The following GRM8 variants were observed in gnomAD, a reference collection of about 807,000 sequenced individuals.
GRM8 encodes metabotropic glutamate receptor 8.
In GRM8, 47 loss-of-function variants were observed where a neutral mutation model predicts 87.2. The ratio of observed to expected loss-of-function variants is 0.54; its 90% CI spans 0.43 to 0.69. The LOEUF (loss-of-function observed/expected upper bound fraction) is 0.69. Ranked by LOEUF, GRM8 falls within the 30% of genes least tolerant of loss-of-function variation. The probability of loss-of-function intolerance (pLI) is 0.00; values close to 1 mark genes in which losing one functional copy is unlikely to be tolerated. For synonymous variants in GRM8, 396 were observed against 404.5 expected, an observed-to-expected ratio of 0.98 and a Z score of 0.25; for missense variants, 1,019 against 1,139.2, an observed-to-expected ratio of 0.89 and a Z score of 1.52.
At chr7:126,969,501 T>A (rs1449719685) in intron 3 of GRM8, among the ~76,000 whole-genome samples, 1 of 152,196 alleles carries the variant, frequency 6.6e-6, no homozygotes, top group African/African-American at 2.4e-5. Context: ...CCATAAGAAA[T>A]AACTCTTCAT....
chr7:127,118,351 T>C (rs898495595), intron 2 of GRM8: 1 of 152,168 alleles, frequency 6.6e-6, no homozygotes, highest in African/African-American at 2.4e-5. Context: ...TACTACAGAA[T>C]GCAAGGATAT....
chr7:126,827,548 T>A (rs567498215), intron 6 of GRM8, among the ~76,000 whole-genome samples: 1 of 152,314 alleles, frequency 6.6e-6, no homozygotes, highest in Admixed American at 6.5e-5. Context: ...TGCTTGTGAT[T>A]TTTGTACTTT....
At chr7:126,797,086 T>G (rs1444986336) in intron 6 of GRM8, among the ~76,000 whole-genome samples, 1 of 152,130 alleles carries the variant, frequency 6.6e-6, no homozygotes, top group Non-Finnish European at 1.5e-5. Context: ...AAGTTCAAAC[T>G]GAACTCTAGA....
intron 6 of GRM8, among the ~76,000 whole-genome samples, chr7:126,775,450 A>AGAGTGAGC (rs1316037021): frequency 3.4e-5 from 5 of 148,842 alleles, no homozygotes; most frequent in African/African-American, 1.3e-4. Context: ...CACACACTAA[A>AGAGTGAGC]GAGTGAGCGC....
chr7:126,832,457 A>G (rs1161295683), intron 6 of GRM8, among the ~76,000 whole-genome samples: 1 of 152,226 alleles, frequency 6.6e-6, no homozygotes, highest in Non-Finnish European at 1.5e-5. Context: ...ATTCAGATGA[A>G]GCCAACAAAA....
At chr7:126,656,728 G>T (rs1276425282) in intron 7 of GRM8, among the ~76,000 whole-genome samples, 1 of 114,886 alleles carries the variant, frequency 8.7e-6, no homozygotes, top group Non-Finnish European at 1.7e-5. Context: ...ACTAAAAGAA[G>T]ATCAGAGTTA....
chr7:126,748,909 T>C (rs1271228969), intron 7 of GRM8, among the ~76,000 whole-genome samples: 1 of 152,136 alleles, frequency 6.6e-6, no homozygotes, highest in African/African-American at 2.4e-5. Flanking sequence ...CAAATACTGG[T>C]AGTAGAACAA....
intron 3 of GRM8, among the ~76,000 whole-genome samples, chr7:126,965,482 A>C (rs1809756538): frequency 6.6e-6 from 1 of 152,144 alleles, no homozygotes; most frequent in Admixed American, 6.5e-5. Context: ...CATGTATGTA[A>C]CTTTATATTT....
intron 9 of GRM8, among the ~76,000 whole-genome samples, chr7:126,529,193 A>C (rs1277641873): frequency 6.6e-6 from 1 of 152,224 alleles, no homozygotes; most frequent in Non-Finnish European, 1.5e-5. Context: ...TCAGAAAAAA[A>C]AAATTGTTAT....
At chr7:127,078,273 T>A (rs1822492764) in intron 3 of GRM8, among the ~76,000 whole-genome samples, 1 of 152,242 alleles carries the variant, frequency 6.6e-6, no homozygotes, top group African/African-American at 2.4e-5. Context: ...CCATCTGTGC[T>A]TTCATGACAC....
intron 6 of GRM8, among the ~76,000 whole-genome samples, chr7:126,776,327 A>T (rs982054648): frequency 5.9e-5 from 9 of 152,114 alleles, no homozygotes; most frequent in Non-Finnish European, 8.8e-5. Context: ...TAACTATCTG[A>T]TTAAATATGG....
intron 2 of GRM8, among the ~76,000 whole-genome samples, chr7:127,197,053 G>T (rs981430062): frequency 4.6e-5 from 7 of 152,094 alleles, no homozygotes; most frequent in African/African-American, 1.2e-4. Flanking sequence ...TGGTACAAAC[G>T]CTCTAACTAT....
intron 3 of GRM8, among the ~76,000 whole-genome samples, chr7:126,976,830 C>G (rs1811036258): frequency 6.6e-6 from 1 of 151,890 alleles, no homozygotes; most frequent in Non-Finnish European, 1.5e-5. Context: ...AAGGAAGCAG[C>G]CATGTCTTTA....
At chr7:127,132,197 G>A (rs1339292064) in intron 2 of GRM8, among the ~76,000 whole-genome samples, 2 of 152,156 alleles carry the variant, frequency 1.3e-5, no homozygotes, top group African/African-American at 4.8e-5. Flanking sequence ...GGACACAGCT[G>A]TTTCTCAGAA....
At chr7:126,472,028 C>A (rs1193854103) in intron 9 of GRM8, among the ~76,000 whole-genome samples, 1 of 152,016 alleles carries the variant, frequency 6.6e-6, no homozygotes, top group Non-Finnish European at 1.5e-5. Context: ...GATTTTTGCA[C>A]ATTGATTTTG....
At chr7:126,892,226 C>A (rs1277122118) in intron 6 of GRM8, among the ~76,000 whole-genome samples, 1 of 151,726 alleles carries the variant, frequency 6.6e-6, no homozygotes, top group Non-Finnish European at 1.5e-5. Context: ...ATGTGCCATG[C>A]TGGTGTGCTG....
At chr7:126,766,265 C>T (rs1166647630) in intron 7 of GRM8, among the ~76,000 whole-genome samples, 2 of 152,036 alleles carry the variant, frequency 1.3e-5, no homozygotes, top group African/African-American at 4.8e-5. Flanking sequence ...GATGAGCTTC[C>T]AGTGCTCTGG....
At chr7:126,882,274 G>A (rs1420080881) in intron 6 of GRM8, among the ~76,000 whole-genome samples, 13 of 151,632 alleles carry the variant, frequency 8.6e-5, no homozygotes, top group Admixed American at 8.6e-4. Context: ...TTATGTATTT[G>A]GATTGACCTA....
At chr7:126,933,863 C>T (rs1420260002) in intron 3 of GRM8, among the ~76,000 whole-genome samples, 1 of 152,142 alleles carries the variant, frequency 6.6e-6, no homozygotes, top group Non-Finnish European at 1.5e-5. Context: ...CTGGGACTAG[C>T]ACAATGTTTG....
Sources: gnomAD v4.1 joint callset for allele counts (sites outside exome capture counted in the v4.1 genomes callset) on GRCh38, gnomAD v4.1.1 for gene constraint, MANE v1.5 for transcripts, NCBI Gene and HGNC (gene_info 2026-07-23, HGNC 2026-07-21) for gene names.